The following ASXL3 variants were observed in gnomAD, a reference collection of about 807,000 sequenced individuals.
The protein encoded by ASXL3 is putative Polycomb group protein ASXL3.
A neutral mutation model predicts 170.6 loss-of-function variants in ASXL3; 34 were observed. The ratio of observed to expected loss-of-function variants is 0.20; its 90% confidence interval spans 0.15 to 0.27. ASXL3 has a LOEUF of 0.27. Ranked by LOEUF, ASXL3 falls within the 10% of genes least tolerant of loss-of-function variation. The pLI is 1.00. For missense variants in ASXL3, 2,592 were observed against 2,695.3 expected (o/e 0.96, Z 0.85); for synonymous variants, 1,002 against 989.1 (o/e 1.01, Z -0.24).
chr18:33,740,927 A>G (rs951351534), intron 11 of ASXL3, among the ~76,000 whole-genome samples: 1 of 152,220 alleles, frequency 6.6e-6, no homozygotes, highest in Non-Finnish European at 1.5e-5. Flanking sequence ...GGATTATTCC[A>G]TCATAGCATT....
chr18:33,580,560 T>A (rs1338896718), intron 1 of ASXL3, among the ~76,000 whole-genome samples: 4 of 152,262 alleles, frequency 2.6e-5, no homozygotes, highest in Non-Finnish European at 5.9e-5. Context: ...AACATTACTC[T>A]GATGGAATTT....
chr18:33,591,278 G>A (rs576681345), intron 1 of ASXL3, among the ~76,000 whole-genome samples: 28 of 152,086 alleles, frequency 1.8e-4, no homozygotes, highest in African/African-American at 6.7e-4. Context: ...TTAGCTTTGT[G>A]GAAATTTATC....
intron 11 of ASXL3, among the ~76,000 whole-genome samples, chr18:33,742,457 T>C (rs1287708302): frequency 6.6e-6 from 1 of 152,136 alleles, no homozygotes; most frequent in South Asian, 2.1e-4. Context: ...AGTCAGGGCT[T>C]TTTTCTTTGG....
chr18:33,644,997 C>G lies in ASXL3; in HGVS notation c.241C>G (p.Leu81Val), dbSNP rs2065897898. ...KIPGKSGLYA[L>V]KKEESSCPAD... The stretch of plus-strand genomic sequence containing the variant: ...CCCTGGAAAGTCAGGCCTCTATGCT[C>G]TCAAAGTAAGTTGCATTGTTCTGCA... Residue 81 changes from leucine to valine, a missense_variant, in exon 3 of 12, where the codon CTC becomes GTC. Around this residue, in one of 4 missense-constraint regions of ASXL3, gnomAD observed 251 missense variants for 281.9 expected, o/e 0.89. Coordinates refer to ENST00000269197, the MANE Select transcript of ASXL3 (RefSeq NM_030632.3). 6.5e-7 allele frequency: 1 copy of G among 1,538,390 alleles called. No individual in the cohort carries two copies.
intron 2 of ASXL3, among the ~76,000 whole-genome samples, chr18:33,616,376 A>G (rs1368367052): frequency 6.7e-6 from 1 of 149,974 alleles, no homozygotes. Flanking sequence ...CCCACAAGAA[A>G]TTCAAGGACT....
At chr18:33,732,358 C>G (rs1437371537) in intron 9 of ASXL3, among the ~76,000 whole-genome samples, 1 of 152,196 alleles carries the variant, frequency 6.6e-6, no homozygotes, top group Non-Finnish European at 1.5e-5. Context: ...ATTATGCATT[C>G]TCTTAAGCAT....
rs77143702 is a variant in ASXL3, at chr18:33,665,655, G to A, written c.477+3918G>A. 1.5e-3 allele frequency among the ~76,000 whole-genome samples: 229 copies of A among 152,194 alleles called. 2 individuals are homozygous for A. The highest frequency in any genetic ancestry group is 0.013 in the East Asian group (67 of 5,188). On this transcript the variant is annotated intron_variant, in intron 5 of 11. Coordinates refer to ENST00000269197, the MANE Select transcript of ASXL3 (RefSeq NM_030632.3). Reference sequence around the variant, plus strand: ...TTAACACAAAAGCCTCTGATTTGAAGTTTTATTTTATTTTTTCCATTAGGA... The same window carrying A: ...TTAACACAAAAGCCTCTGATTTGAAATTTTATTTTATTTTTTCCATTAGGA...
intron 4 of ASXL3, among the ~76,000 whole-genome samples, chr18:33,651,378 A>G (rs2065995711): frequency 6.6e-6 from 1 of 152,198 alleles, no homozygotes; most frequent in East Asian, 1.9e-4. Flanking sequence ...AAATGTGATC[A>G]GAGAGAGAAG....
chr18:33,664,112 G>T (rs978361197), intron 5 of ASXL3, among the ~76,000 whole-genome samples: 3 of 151,916 alleles, frequency 2.0e-5, no homozygotes, highest in South Asian at 2.1e-4. Context: ...TCCATTTTAC[G>T]TGGGATATAT....
At chr18:33,687,008 G>A (rs1264702472) in intron 8 of ASXL3, among the ~76,000 whole-genome samples, 3 of 152,170 alleles carry the variant, frequency 2.0e-5, no homozygotes. Context: ...CTTGGTATTG[G>A]AGTTGGAAAT....
chr18:33,587,790 TA>T (rs1265664534), intron 1 of ASXL3, among the ~76,000 whole-genome samples: 2 of 151,928 alleles, frequency 1.3e-5, no homozygotes, highest in African/African-American at 4.8e-5. Flanking sequence ...AGGAGAAACT[TA>T]GTAGGAAAAA....
At chr18:33,678,751 A>G (rs1412073439) in intron 7 of ASXL3, among the ~76,000 whole-genome samples, 3 of 152,188 alleles carry the variant, frequency 2.0e-5, no homozygotes, top group East Asian at 3.8e-4. Flanking sequence ...ACCAACTTTA[A>G]TGAGATAAGA....
At chr18:33,676,017 G>T (rs1003332691) in intron 7 of ASXL3, among the ~76,000 whole-genome samples, 3 of 151,828 alleles carry the variant, frequency 2.0e-5, no homozygotes, top group Non-Finnish European at 2.9e-5. Flanking sequence ...GAGGTCAGGA[G>T]ATCGAGACCA....
intron 2 of ASXL3, among the ~76,000 whole-genome samples, chr18:33,624,186 T>C (rs2065562686): frequency 6.6e-6 from 1 of 151,950 alleles, no homozygotes; most frequent in Non-Finnish European, 1.5e-5. Flanking sequence ...AAAAACTAAT[T>C]TTGGGACTCC....
intron 2 of ASXL3, chr18:33,626,822 G>A (rs1415727097): frequency 6.6e-6 from 1 of 152,458 alleles, no homozygotes; most frequent in Admixed American, 6.6e-5. Flanking sequence ...AGTGGTTTGT[G>A]GGAGTTTTAC....
In ASXL3 at chr18:33,673,364, A is replaced by C. The variant is rs576629312; in HGVS notation, c.715+1498A>C. 4.2e-3 allele frequency among the ~76,000 whole-genome samples: 588 copies of C among 140,632 alleles called. 5 individuals carry two copies. Among genetic ancestry groups the C allele is most frequent in the Non-Finnish European group, 5.0e-3 (330 of 66,278 alleles). The allele number at this position is 140,632 out of a possible 152,430, so 92.3% of individuals were successfully genotyped here. On this transcript the variant is annotated intron_variant, in intron 7 of 11. Coordinates refer to ENST00000269197, the MANE Select transcript of ASXL3 (RefSeq NM_030632.3). ...TATCAGTATCCTCTCAGGGGCTGAG[A>C]TCTTCAGTATTTTTTTTTTTTTTTT...
chr18:33,707,263 GA>G (rs1377341703), intron 8 of ASXL3, among the ~76,000 whole-genome samples: 1 of 151,700 alleles, frequency 6.6e-6, no homozygotes, highest in Non-Finnish European at 1.5e-5. Context: ...AAAAGCACAG[GA>G]ATTTTGGTTA....
At chr18:33,734,516 C>A in intron 10 of ASXL3, 101 bp downstream of exon 10, 1 of 644,216 alleles carries the variant, frequency 1.6e-6, no homozygotes, top group Non-Finnish European at 2.4e-6. Flanking sequence ...CTTAATAAAC[C>A]TGTGATAAAA....
rs1044736581 is a variant in ASXL3 at position 33,746,661 on chromosome 18, A to G, written c.*66A>G. On this transcript the variant is annotated 3_prime_UTR_variant, in exon 12 of 12. Transcript: ENST00000269197. ...AAGCCAAATAGCATCAGCAACAACA[A>G]ATAGAATAATGCAGTGGTTTCTATC... 10 of 1,501,702 alleles carry G rather than the reference A, an allele frequency of 6.7e-6. No individual in the cohort carries two copies. In the Admixed American group the frequency reaches 1.1e-4, roughly 16 times the overall value. 93.0% of individuals were successfully genotyped at this position (1,501,702 alleles called of 1,614,324 possible).
Sources: allele counts gnomAD v4.1 joint callset (sites outside exome capture counted in the v4.1 genomes callset), GRCh38; gene constraint gnomAD v4.1.1; regional missense constraint gnomAD v4.1.1; transcripts MANE v1.5; gene names NCBI Gene and HGNC (gene_info 2026-07-23, HGNC 2026-07-21).